REST: variants seen among roughly 807,000 people sequenced by gnomAD.
REST encodes the protein RE1-silencing transcription factor.
In REST, 1 loss-of-function variant was observed where a neutral mutation model predicts 30.4. That is an observed-to-expected ratio of 0.03 (90% CI 0.01 to 0.16). The LOEUF (loss-of-function observed/expected upper bound fraction) is 0.16, where lower values mean the gene tolerates loss of function less well. Ranked by LOEUF, REST falls within the 10% of genes least tolerant of loss-of-function variation. The pLI is 1.00. For missense variants in REST, 1,259 were observed against 1,329.5 expected (o/e 0.95, Z 0.82); for synonymous variants, 504 against 451.1 (o/e 1.12, Z -1.49).
chr4:56,928,998 A>T (rs983078627), intron 3 of REST, among the ~76,000 whole-genome samples: 3 of 151,780 alleles, frequency 2.0e-5, no homozygotes, highest in Non-Finnish European at 2.9e-5. Flanking sequence ...TCCTGGGCTT[A>T]AGCGGTCCTC....
rs964926677 is a variant in REST, at chr4:56,934,639, G to T, written c.*2487G>T. The stretch of plus-strand genomic sequence containing the variant: ...ATTAGCAGTATGAACTTCTGGTCCA[G>T]TTGGAAGTTTTTCCATTTGAAAAAT... On this transcript the variant is annotated 3_prime_UTR_variant, in exon 4 of 4. Coordinates refer to ENST00000309042, the MANE Select transcript of REST (RefSeq NM_005612.5). 2 of 152,142 alleles carry T rather than the reference G, an allele frequency of 1.3e-5. No homozygotes were observed. The highest frequency in any genetic ancestry group is 4.8e-5 in the African/African-American group (2 of 41,430). 9.4% of individuals were successfully genotyped at this position (152,142 alleles called of 1,614,324 possible). A position where few individuals can be genotyped will look rare whatever the true frequency, so the allele number is the denominator to read the frequency against.
intron 3 of REST, among the ~76,000 whole-genome samples, chr4:56,929,489 AAC>A (rs768222180): frequency 7.5e-6 from 1 of 132,800 alleles, no homozygotes; most frequent in Non-Finnish European, 1.7e-5. Context: ...CATTTAACTA[AAC>A]ACACAAAAAA....
rs1300068544 is a variant in REST at position 56,934,961 on chromosome 4, A to G, written c.*2809A>G. 7.0e-6 allele frequency: 1 copy of G among 142,590 alleles called. No homozygotes were observed. The highest frequency in any genetic ancestry group is 2.6e-5 in the African/African-American group (1 of 38,674). The allele number at this position is 142,590 out of a possible 1,614,324, so 8.8% of individuals were successfully genotyped here. A position where few individuals can be genotyped will look rare whatever the true frequency, so the allele number is the denominator to read the frequency against. On this transcript the variant is annotated 3_prime_UTR_variant, in exon 4 of 4. Coordinates refer to ENST00000309042, the MANE Select transcript of REST (RefSeq NM_005612.5). The stretch of plus-strand genomic sequence containing the variant: ...TTTCCTCTTTTCAGAGCTGCTTCTT[A>G]TTCTGGGGCTACTTTTTTTTTTAGT...
At chr4:56,929,108 C>T (rs1411978518) in intron 3 of REST, among the ~76,000 whole-genome samples, 2 of 150,956 alleles carry the variant, frequency 1.3e-5, no homozygotes, top group Non-Finnish European at 2.9e-5. Context: ...CTCGCTGTCA[C>T]CTAGGCTGGA....
In REST at chr4:56,911,059, C is replaced by A; in HGVS notation, c.421C>A (p.Pro141Thr). The A allele has an allele frequency of 6.2e-7, 1 of 1,614,040 alleles. No individual in the cohort carries two copies. Among genetic ancestry groups the A allele is most frequent in the Non-Finnish European group, 8.5e-7 (1 of 1,180,008 alleles). The change falls in exon 2 of 4, where the codon CCC becomes ACC. Residue 141 changes from proline (P) to threonine (T), a missense_variant. Around this residue, in one of 5 missense-constraint regions of REST, gnomAD observed 249 missense variants for 251.5 expected, o/e 0.99. Transcript: ENST00000309042. Reference sequence around the variant, plus strand: ...TATTTACAGTTCAAATAAAGATCTTCCCCCTGAAACACCTGGAGCGGAGGA... The same window carrying A: ...TATTTACAGTTCAAATAAAGATCTTACCCCTGAAACACCTGGAGCGGAGGA... ...PDIYSSNKDL[P>T]PETPGAEDKG... is the part of the protein sequence containing the mutation.
chr4:56,917,426 A>G (rs1409256958), intron 2 of REST, among the ~76,000 whole-genome samples: 1 of 152,104 alleles, frequency 6.6e-6, no homozygotes, highest in Non-Finnish European at 1.5e-5. Context: ...CTGGGCTCAA[A>G]TGATCCGCCT....
rs1719697858 is a variant in REST at position 56,907,990 on chromosome 4, C to T, written c.-233C>T. ...CGAGCGCCGCCGAGGCCCGGGGCCC[C>T]AGACCCTGGCGGCGGCTGCCGCAGC... On this transcript the variant is annotated 5_prime_UTR_variant, in exon 1 of 4. The change creates a premature stop within an existing upstream ORF in the 5' untranslated region. Transcript: ENST00000309042. 2 of 368,686 alleles carry T rather than the reference C, an allele frequency of 5.4e-6. No homozygotes were observed. Among genetic ancestry groups the T allele is most frequent in the Non-Finnish European group, 4.8e-6 (1 of 206,984 alleles). The allele number at this position is 368,686 out of a possible 1,614,324, so 22.8% of individuals were successfully genotyped here. A position where few individuals can be genotyped will look rare whatever the true frequency, so the allele number is the denominator to read the frequency against.
chr4:56,914,604 A>G (rs1056613729), intron 2 of REST, among the ~76,000 whole-genome samples: 1 of 152,234 alleles, frequency 6.6e-6, no homozygotes, highest in African/African-American at 2.4e-5. Context: ...CTGTTAGACT[A>G]AACCAGCCTT....
chr4:56,932,918 G>C lies in REST; in HGVS notation c.*766G>C, dbSNP rs948008374. On this transcript the variant is annotated 3_prime_UTR_variant, in exon 4 of 4. Coordinates refer to ENST00000309042, the MANE Select transcript of REST (RefSeq NM_005612.5). ...TTATTTTGTTTGGCGTCTTTGGAGG[G>C]ATGCTTTTAGACTTGTTTGCAAAAG... The C allele has an allele frequency of 6.6e-6, 1 of 152,022 alleles. No individual in the cohort carries two copies. The highest frequency in any genetic ancestry group is 1.5e-5 in the Non-Finnish European group (1 of 68,004). 9.4% of individuals were successfully genotyped at this position (152,022 alleles called of 1,614,324 possible).
At chr4:56,926,242 G>C (rs960971128) in intron 3 of REST, among the ~76,000 whole-genome samples, 1 of 150,672 alleles carries the variant, frequency 6.6e-6, no homozygotes, top group Non-Finnish European at 1.5e-5. Context: ...TGTATCTTTA[G>C]TAGAGATGGG....
At chr4:56,909,064 C>T (rs886841619) in intron 1 of REST, 4 of 152,212 alleles carry the variant, frequency 2.6e-5, no homozygotes, top group African/African-American at 9.7e-5. Flanking sequence ...TCTCCCGGGA[C>T]GGGGGCCCTA....
chr4:56,909,211 G>C (rs529758326), intron 1 of REST: 5 of 152,560 alleles, frequency 3.3e-5, no homozygotes, highest in Admixed American at 6.5e-5. Context: ...CGACTCCCGC[G>C]AGTTGGTGTG....
chr4:56,913,641 C>G (rs747775016), intron 2 of REST, among the ~76,000 whole-genome samples: 43 of 151,916 alleles, frequency 2.8e-4, no homozygotes, highest in Admixed American at 1.4e-3. Flanking sequence ...GAGTGGTAGA[C>G]TTAATTTTTG....
chr4:56,919,353 T>TA (rs1159025634), intron 2 of REST, among the ~76,000 whole-genome samples: 2 of 152,130 alleles, frequency 1.3e-5, no homozygotes, highest in African/African-American at 4.8e-5. Context: ...TTTCAAATGG[T>TA]AGTAGATTCA....
intron 2 of REST, 187 bp downstream of exon 2, chr4:56,911,723 A>T (rs1719923645): frequency 5.1e-6 from 3 of 593,862 alleles, no homozygotes. Context: ...AACAATATCT[A>T]GGTTGGGAGG....
Position 56,930,717 on chromosome 4 carries a change from C to T in REST, c.1859C>T (p.Ala620Val), listed in dbSNP as rs142843754. The T allele has an allele frequency of 6.2e-6, 10 of 1,605,132 alleles. No homozygotes were observed. The highest frequency in any genetic ancestry group is 2.7e-5 in the African/African-American group (2 of 74,168). The change falls in exon 4 of 4, where the codon GCG (alanine) becomes GTG (valine). Residue 620 changes from alanine to valine, a missense_variant. Around this residue, in one of 5 missense-constraint regions of REST, gnomAD observed 856 missense variants for 772.8 expected, o/e 1.11. Coordinates refer to ENST00000309042, the MANE Select transcript of REST (RefSeq NM_005612.5). ...PPQMGPAPTE[A>V]VQKGPVQVEP... is the part of the protein sequence containing the mutation. ...CAGATGGGGCCTGCTCCCACAGAGG[C>T]GGTTCAGAAGGGGCCCGTTCAGGTG... is the stretch of plus-strand genomic sequence containing the variant.
rs1719699969 is a variant in REST, at chr4:56,908,028, G to A, written c.-195G>A. On this transcript the variant is annotated 5_prime_UTR_variant, in exon 1 of 4. Coordinates refer to ENST00000309042, the MANE Select transcript of REST (RefSeq NM_005612.5). ...CGGCTGCCGCAGCCGAGACGGCAGG[G>A]CGAGGCCCGGAGGCCTGAGCACCCT... 1.1e-5 allele frequency: 4 copies of A among 368,514 alleles called. No individual in the cohort carries two copies. Among genetic ancestry groups the A allele is most frequent in the East Asian group, 7.6e-5 (2 of 26,250 alleles). 22.8% of individuals were successfully genotyped at this position (368,514 alleles called of 1,614,324 possible). A position where few individuals can be genotyped will look rare whatever the true frequency, so the allele number is the denominator to read the frequency against.
chr4:56,924,291 T>C (rs1466561749), intron 3 of REST, among the ~76,000 whole-genome samples: 3 of 152,244 alleles, frequency 2.0e-5, no homozygotes, highest in African/African-American at 7.2e-5. Context: ...TATTGAGATA[T>C]AATTTATAAA....
chr4:56,926,093 C>G (rs1720696096), intron 3 of REST, among the ~76,000 whole-genome samples: 1 of 152,014 alleles, frequency 6.6e-6, no homozygotes, highest in Non-Finnish European at 1.5e-5. Context: ...GGAGTCTCAC[C>G]CTGTCGTCCA....
Sources: allele counts gnomAD v4.1 joint callset (sites outside exome capture counted in the v4.1 genomes callset), GRCh38; gene constraint gnomAD v4.1.1; regional missense constraint gnomAD v4.1.1; transcripts MANE v1.5; gene names NCBI Gene and HGNC (gene_info 2026-07-23, HGNC 2026-07-21).